CPED1: variants seen among roughly 807,000 people sequenced by gnomAD.
CPED1 encodes cadherin like and PC-esterase domain containing 1, also known as cadherin-like and PC-esterase domain-containing protein 1.
In CPED1, 114 loss-of-function variants were observed where a neutral mutation model predicts 128.2. The observed-to-expected ratio is 0.89, with a 90% CI of 0.76 to 1.04. CPED1 has a LOEUF of 1.04. Ranked by LOEUF, CPED1 falls within the 50% of genes least tolerant of loss-of-function variation. The pLI, the probability that CPED1 is intolerant of heterozygous loss-of-function variation, is 0.00. For synonymous variants in CPED1, 462 were observed against 426.7 expected (o/e 1.08, Z -1.02); for missense variants, 1,211 against 1,207.1 (o/e 1.00, Z -0.05).
intron 4 of CPED1, among the ~76,000 whole-genome samples, chr7:121,058,279 G>A (rs1220599532): frequency 6.6e-6 from 1 of 152,118 alleles, no homozygotes; most frequent in African/African-American, 2.4e-5. Context: ...CATTTTTACA[G>A]GATTGCCTTG....
At chr7:121,051,115 A>G (rs1354784345) in intron 4 of CPED1, 2 of 524,536 alleles carry the variant, frequency 3.8e-6, no homozygotes, top group East Asian at 5.4e-5. Flanking sequence ...CCAAGAAACT[A>G]AAGAAGATTT....
intron 3 of CPED1, among the ~76,000 whole-genome samples, chr7:121,039,311 C>T (rs1252152631): frequency 6.6e-6 from 1 of 151,968 alleles, no homozygotes; most frequent in Non-Finnish European, 1.5e-5. Flanking sequence ...AGTGTGTCTT[C>T]GACGTACCTT....
chr7:121,234,336 T>C (rs916981035), intron 16 of CPED1, among the ~76,000 whole-genome samples: 2 of 152,066 alleles, frequency 1.3e-5, no homozygotes, highest in Non-Finnish European at 2.9e-5. Flanking sequence ...TCATGAATGT[T>C]GAAACATTAT....
chr7:121,027,819 C>T lies in CPED1; in HGVS notation c.433+11971C>T, dbSNP rs531769464. Among the ~76,000 whole-genome samples the T allele has an allele frequency of 1.2e-4, 18 of 151,444 alleles. No homozygotes were observed. The East Asian group carries it at 2.1e-3, about 18-fold the overall frequency. On this transcript the variant is annotated intron_variant, in intron 3 of 22. Coordinates refer to ENST00000310396, the MANE Select transcript of CPED1 (RefSeq NM_024913.5). ...TCTCGAAGGAAAAGTAGGAAAGTCA[C>T]ATGTGAGTCTCACCATTTATACAAC... is the stretch of plus-strand genomic sequence containing the variant.
chr7:121,141,832 T>G, intron 15 of CPED1, 141 bp from the exon 16 acceptor site: 1 of 582,058 alleles, frequency 1.7e-6, no homozygotes, highest in Non-Finnish European at 2.9e-6. Flanking sequence ...TTTTCATAGT[T>G]TAGGTTTCTT....
At chr7:121,156,275 A>T (rs1249725111) in intron 16 of CPED1, among the ~76,000 whole-genome samples, 1 of 152,108 alleles carries the variant, frequency 6.6e-6, no homozygotes, top group Non-Finnish European at 1.5e-5. Context: ...GGAGAACAGT[A>T]TGGAGGTTCC....
chr7:121,285,223 A>G (rs1395167593), intron 22 of CPED1, among the ~76,000 whole-genome samples: 1 of 152,204 alleles, frequency 6.6e-6, no homozygotes, highest in Non-Finnish European at 1.5e-5. Context: ...CAGCTGGGAC[A>G]CAGGGCAGTA....
chr7:121,210,563 C>G (rs1797620845), intron 16 of CPED1, among the ~76,000 whole-genome samples: 1 of 151,944 alleles, frequency 6.6e-6, no homozygotes. Context: ...CACAGAAAGA[C>G]AAACTTCACA....
At chr7:121,080,677 T>C (rs925210673) in intron 5 of CPED1, among the ~76,000 whole-genome samples, 1 of 151,888 alleles carries the variant, frequency 6.6e-6, no homozygotes, top group Non-Finnish European at 1.5e-5. Context: ...GTAATTTGTA[T>C]TATTTACTTA....
At chr7:121,207,098 A>T (rs182148477) in intron 16 of CPED1, among the ~76,000 whole-genome samples, 1 of 152,110 alleles carries the variant, frequency 6.6e-6, no homozygotes, top group East Asian at 1.9e-4. Context: ...CTTTTAAATG[A>T]CTACATAATA....
intron 16 of CPED1, among the ~76,000 whole-genome samples, chr7:121,187,270 A>G (rs1236115435): frequency 6.6e-6 from 1 of 152,216 alleles, no homozygotes; most frequent in African/African-American, 2.4e-5. Flanking sequence ...AGGACATCTC[A>G]CTGCGAAGGG....
At chr7:121,240,860 A>G (rs988498566) in intron 17 of CPED1, among the ~76,000 whole-genome samples, 1 of 151,946 alleles carries the variant, frequency 6.6e-6, no homozygotes, top group Non-Finnish European at 1.5e-5. Flanking sequence ...ACAGCCACTC[A>G]ATGTGAACCT....
intron 16 of CPED1, among the ~76,000 whole-genome samples, chr7:121,203,067 AC>A (rs1436886609): frequency 6.6e-6 from 1 of 152,058 alleles, no homozygotes; most frequent in Non-Finnish European, 1.5e-5. Flanking sequence ...AATATGACAC[AC>A]CTGTCTCACC....
At chr7:121,263,014 A>G (rs995407669) in intron 18 of CPED1, among the ~76,000 whole-genome samples, 7 of 152,120 alleles carry the variant, frequency 4.6e-5, no homozygotes, top group Admixed American at 3.3e-4. Context: ...GAAAGGCACT[A>G]GAATAACATA....
chr7:121,168,665 A>G (rs2116460060), intron 16 of CPED1, among the ~76,000 whole-genome samples: 2 of 152,178 alleles, frequency 1.3e-5, no homozygotes, highest in East Asian at 3.8e-4. Flanking sequence ...TTGTGATATC[A>G]AATACTAGGT....
chr7:121,191,199 C>T (rs1243991487), intron 16 of CPED1, among the ~76,000 whole-genome samples: 5 of 151,982 alleles, frequency 3.3e-5, no homozygotes, highest in African/African-American at 4.8e-5. Flanking sequence ...GAATATAAAC[C>T]GCAATCCAAA....
chr7:121,074,139 G>C (rs1794061524), intron 5 of CPED1, among the ~76,000 whole-genome samples: 1 of 152,014 alleles, frequency 6.6e-6, no homozygotes, highest in Admixed American at 6.6e-5. Flanking sequence ...TTGTGTTTGA[G>C]GGCAAGTAGA....
chr7:121,125,757 G>A (rs1007837446), intron 8 of CPED1, 63 bp from the exon 9 acceptor site: 9 of 1,191,442 alleles, frequency 7.6e-6, no homozygotes, highest in Non-Finnish European at 1.0e-5. Flanking sequence ...TATAAATAGT[G>A]CATTAATAAA....
intron 16 of CPED1, among the ~76,000 whole-genome samples, chr7:121,194,042 ATATATATTTTT>A (rs1267312161): frequency 9.3e-6 from 1 of 107,384 alleles, no homozygotes; most frequent in Non-Finnish European, 1.9e-5. Context: ...ATATATATAT[ATATATATTTTT>A]TTTTTTTTTT....
Sources: gnomAD v4.1 joint callset for allele counts (sites outside exome capture counted in the v4.1 genomes callset) on GRCh38, gnomAD v4.1.1 for gene constraint, MANE v1.5 for transcripts, NCBI Gene and HGNC (gene_info 2026-07-23, HGNC 2026-07-21) for gene names.